The following LARGE1 variants were observed in gnomAD, a reference collection of about 807,000 sequenced individuals.
LARGE1 encodes the protein LARGE xylosyl- and glucuronyltransferase 1.
A neutral mutation model predicts 87.6 loss-of-function variants in LARGE1; 43 were observed. The observed-to-expected ratio is 0.49, with a 90% CI of 0.38 to 0.63. The LOEUF is 0.63. Among genes scored for constraint, LARGE1 ranks in the 30% least tolerant of loss-of-function variants. The pLI, the probability that LARGE1 is intolerant of heterozygous loss-of-function variation, is 0.00. For synonymous variants in LARGE1, 434 were observed against 394.6 expected (o/e 1.10, Z -1.18); for missense variants, 802 against 1,000.2 (o/e 0.80, Z 2.67).
At chr22:33,268,862 C>T (rs767655628), downstream of LARGE1, among the ~76,000 whole-genome samples, 12 of 152,290 alleles carry the variant, frequency 7.9e-5, no homozygotes, top group Non-Finnish European at 1.0e-4. Flanking sequence ...GAAATGTATA[C>T]ATGTGGATGG....
chr22:33,264,396 C>T (rs541887743), intron 11 of LARGE1, among the ~76,000 whole-genome samples: 4 of 152,372 alleles, frequency 2.6e-5, no homozygotes, highest in East Asian at 1.9e-4. Context: ...TAGTGGCTCA[C>T]GCCTGTAATC....
At chr22:33,550,280 C>T (rs1003887574) in intron 6 of LARGE1, among the ~76,000 whole-genome samples, 5 of 152,090 alleles carry the variant, frequency 3.3e-5, no homozygotes, top group African/African-American at 1.2e-4. Flanking sequence ...ACCAAGTCCA[C>T]TACATATTCC....
At chr22:33,588,771 C>T (rs5754617) in intron 5 of LARGE1, among the ~76,000 whole-genome samples, 73,213 of 151,928 alleles carry the variant, frequency 0.48, 17,723 homozygotes, top group Middle Eastern at 0.53. Flanking sequence ...AGTTAGGACC[C>T]GAATCCTACA....
chr22:33,194,025 CAATAT>C (rs1923937955), intron 11 of LARGE1, among the ~76,000 whole-genome samples: 1 of 149,334 alleles, frequency 6.7e-6, no homozygotes, highest in East Asian at 1.9e-4. Context: ...ATTATTAAAA[CAATAT>C]ATTATTTAAC....
intron 1 of LARGE1, among the ~76,000 whole-genome samples, chr22:33,886,273 C>T (rs1054147031): frequency 2.0e-5 from 3 of 152,182 alleles, no homozygotes; most frequent in Non-Finnish European, 2.9e-5. Flanking sequence ...GCCCTCCAGC[C>T]GTCCTACAGG....
At chr22:33,643,939 A>C (rs1333228832) in intron 3 of LARGE1, among the ~76,000 whole-genome samples, 1 of 152,178 alleles carries the variant, frequency 6.6e-6, no homozygotes, top group African/African-American at 2.4e-5. Flanking sequence ...CAACCAAAAA[A>C]AGCCCAGGAC....
chr22:33,072,071 C>G, the LARGE1 span, among the ~76,000 whole-genome samples: 1 of 152,120 alleles, frequency 6.6e-6, no homozygotes, highest in African/African-American at 2.4e-5. Context: ...GGGTTGCTTG[C>G]TTCTGGTTTC....
chr22:33,691,684 T>C (rs1483734746), intron 2 of LARGE1, among the ~76,000 whole-genome samples: 1 of 152,228 alleles, frequency 6.6e-6, no homozygotes, highest in Non-Finnish European at 1.5e-5. Flanking sequence ...GGCTGATTTC[T>C]AATAAGCATT....
chr22:33,161,498 G>A (rs1027471459), downstream of LARGE1, among the ~76,000 whole-genome samples: 4 of 152,116 alleles, frequency 2.6e-5, no homozygotes, highest in African/African-American at 9.7e-5. Flanking sequence ...AAAATCAAAA[G>A]CAAGTTAGTT....
At chr22:33,178,597 G>A (rs61594304) in intron 11 of LARGE1, among the ~76,000 whole-genome samples, 4,591 of 152,232 alleles carry the variant, frequency 0.03, 95 homozygotes, top group Admixed American at 0.057. Flanking sequence ...TTGGGGTTTT[G>A]CTTTATGAAA....
At chr22:33,379,501 C>T (rs1485736681) in intron 9 of LARGE1, among the ~76,000 whole-genome samples, 2 of 152,086 alleles carry the variant, frequency 1.3e-5, no homozygotes, top group Non-Finnish European at 2.9e-5. Context: ...GACACATGCA[C>T]ACCTATGTTT....
At chr22:33,913,477 T>C (rs1601906185) in intron 1 of LARGE1, among the ~76,000 whole-genome samples, 1 of 152,224 alleles carries the variant, frequency 6.6e-6, no homozygotes, top group East Asian at 1.9e-4. Flanking sequence ...TACAGTTGAA[T>C]ATTAGGCTCC....
intron 6 of LARGE1, among the ~76,000 whole-genome samples, chr22:33,486,158 T>C (rs1176060386): frequency 6.6e-6 from 1 of 152,198 alleles, no homozygotes; most frequent in African/African-American, 2.4e-5. Context: ...CTCTGGGTGA[T>C]CCAGGGCATG....
At chr22:33,312,670 G>A (rs1935732979) in intron 11 of LARGE1, among the ~76,000 whole-genome samples, 1 of 152,288 alleles carries the variant, frequency 6.6e-6, no homozygotes, top group Middle Eastern at 3.4e-3. Context: ...GAATGCAACA[G>A]AGAGCCAGTG....
intron 1 of LARGE1, among the ~76,000 whole-genome samples, chr22:33,871,982 C>CAA (rs58105742): frequency 2.8e-4 from 24 of 86,798 alleles, no homozygotes; most frequent in African/African-American, 5.1e-4. Context: ...TCTAAATCAG[C>CAA]AAAAAAAAAA....
At chr22:33,344,268 T>G (rs910130352) in intron 9 of LARGE1, among the ~76,000 whole-genome samples, 2 of 152,232 alleles carry the variant, frequency 1.3e-5, no homozygotes, top group African/African-American at 2.4e-5. Flanking sequence ...TCTCATTTAT[T>G]TATTCAACAG....
intron 6 of LARGE1, among the ~76,000 whole-genome samples, chr22:33,521,856 C>T (rs562280623): frequency 3.3e-5 from 5 of 152,280 alleles, no homozygotes; most frequent in Admixed American, 2.6e-4. Flanking sequence ...TATTTTGGCT[C>T]ATAGCTTTGC....
intron 1 of LARGE1, among the ~76,000 whole-genome samples, chr22:33,824,606 T>G (rs1463018910): frequency 6.6e-6 from 1 of 152,170 alleles, no homozygotes. Context: ...TCCTTTCACC[T>G]GTAGACATTC....
intron 5 of LARGE1, among the ~76,000 whole-genome samples, chr22:33,603,444 G>A (rs1276909992): frequency 1.3e-5 from 2 of 152,094 alleles, no homozygotes; most frequent in Non-Finnish European, 2.9e-5. Flanking sequence ...AATAAGATGC[G>A]GCTCCTCTCC....
Sources: gnomAD v4.1 joint callset for allele counts (sites outside exome capture counted in the v4.1 genomes callset) on GRCh38, gnomAD v4.1.1 for gene constraint, MANE v1.5 for transcripts, NCBI Gene and HGNC (gene_info 2026-07-23, HGNC 2026-07-21) for gene names.